ERAP1: variants seen among roughly 807,000 people sequenced by gnomAD.
ERAP1 encodes the protein adipocyte-derived leucine aminopeptidase.
In ERAP1, 86 loss-of-function variants were observed where a neutral mutation model predicts 103.7. The ratio of observed to expected loss-of-function variants is 0.83; its 90% CI spans 0.70 to 0.99. ERAP1 has a LOEUF of 0.99. Ranked by LOEUF, ERAP1 falls within the 50% of genes least tolerant of loss-of-function variation. The pLI is 0.00. For missense variants in ERAP1, 1,009 were observed against 1,128.4 expected, an observed-to-expected ratio of 0.89 and a Z score of 1.52; for synonymous variants, 398 against 402.4, an observed-to-expected ratio of 0.99 and a Z score of 0.13.
Position 96,793,764 on chromosome 5 carries a change from G to A in ERAP1, c.1074+39C>T, listed in dbSNP as rs377031953. 10 of 1,545,302 alleles carry A rather than the reference G, an allele frequency of 6.5e-6. 1 individual carries two copies. The East Asian group carries it at 9.1e-5, about 14-fold the overall frequency. On this transcript the variant is annotated intron_variant, in intron 6 of 18. Transcript: ENST00000443439. The stretch of plus-strand genomic sequence containing the variant: ...TATGTCCCATAGAAGCAATATAAAT[G>A]TAGTTTATACTTTATTAAAAGTGTG...
At chr5:96,770,236 A>G (rs1173985564), downstream of ERAP1, 2 of 349,454 alleles carry the variant, frequency 5.7e-6, no homozygotes, top group Non-Finnish European at 1.1e-5. Context: ...TTTATTATCT[A>G]TTGACAAGCT....
chr5:96,836,915 T>C, the ERAP1 span, among the ~76,000 whole-genome samples: 3,439 of 152,270 alleles, frequency 0.023, 132 homozygotes, highest in African/African-American at 0.079. Context: ...AATCAGAAGA[T>C]TTTTTAAATA....
At chr5:96,783,850 CACACATACACACACAAT>C (rs1234948574) in intron 14 of ERAP1, 57 bp downstream of exon 14, 1 of 386,348 alleles carries the variant, frequency 2.6e-6, no homozygotes, top group South Asian at 6.0e-5. Context: ...CACACACACA[CACACATACACACACAAT>C]GATTAACACT....
At chr5:96,900,144 A>G in the ERAP1 span, 2 of 1,613,896 alleles carry the variant, frequency 1.2e-6, no homozygotes, top group Non-Finnish European at 1.7e-6. Context: ...GTGATTTTAC[A>G]TCTGGTGGAG....
chr5:96,779,919 C>CACCT, intron 18 of ERAP1, among the ~76,000 whole-genome samples: 1 of 152,318 alleles, frequency 6.6e-6, no homozygotes, highest in East Asian at 1.9e-4. Context: ...ACATGGTTAT[C>CACCT]ACCTGTCCAT....
chr5:96,911,731 G>A, the ERAP1 span, among the ~76,000 whole-genome samples: 1 of 151,594 alleles, frequency 6.6e-6, no homozygotes, highest in African/African-American at 2.4e-5. Flanking sequence ...AAATTAGCCG[G>A]GCATGGTGCT....
the ERAP1 span, among the ~76,000 whole-genome samples, chr5:96,868,702 C>T: frequency 1.3e-5 from 2 of 150,254 alleles, no homozygotes; most frequent in African/African-American, 4.8e-5. Context: ...GACGTCACCC[C>T]GAGTTTCCAA....
At chr5:96,933,777 G>A in the ERAP1 span, among the ~76,000 whole-genome samples, 2 of 152,190 alleles carry the variant, frequency 1.3e-5, no homozygotes, top group African/African-American at 4.8e-5. Context: ...ATATAGAGAA[G>A]AGCGTCTTAT....
chr5:96,919,129 T>C, the ERAP1 span: 1 of 152,304 alleles, frequency 6.6e-6, no homozygotes, highest in East Asian at 1.9e-4. Context: ...GGATGTTGGG[T>C]CAAGAGGGGA....
chr5:96,875,133 G>T, the ERAP1 span, among the ~76,000 whole-genome samples: 1 of 152,182 alleles, frequency 6.6e-6, no homozygotes, highest in Non-Finnish European at 1.5e-5. Context: ...AGCTGAGCTT[G>T]AGAAGCTGGG....
chr5:96,907,069 G>A, the ERAP1 span, among the ~76,000 whole-genome samples: 4 of 152,168 alleles, frequency 2.6e-5, no homozygotes, highest in Middle Eastern at 3.4e-3. Flanking sequence ...AACCCAAATT[G>A]GTGCTTCAAG....
intron 8 of ERAP1, among the ~76,000 whole-genome samples, 167 bp downstream of exon 8, chr5:96,791,894 G>A (rs199641208): frequency 2.0e-5 from 3 of 152,338 alleles, no homozygotes; most frequent in South Asian, 2.1e-4. Context: ...TTAGGGTTAT[G>A]AGCCAAACTG....
chr5:96,815,133 A>G, the ERAP1 span, among the ~76,000 whole-genome samples: 2,740 of 152,330 alleles, frequency 0.018, 57 homozygotes, highest in Admixed American at 0.06. Flanking sequence ...AAAGATGTCA[A>G]AATTAAACTT....
chr5:96,811,244 G>A (rs1202278808), upstream of ERAP1, among the ~76,000 whole-genome samples: 1 of 152,170 alleles, frequency 6.6e-6, no homozygotes, highest in African/African-American at 2.4e-5. Context: ...AAACAGGGAA[G>A]ACGGTACAGA....
the ERAP1 span, among the ~76,000 whole-genome samples, chr5:96,922,343 A>G: frequency 6.6e-6 from 1 of 152,200 alleles, no homozygotes; most frequent in Admixed American, 6.5e-5. Flanking sequence ...TAGTCAATTA[A>G]GTTGCAAATT....
the ERAP1 span, among the ~76,000 whole-genome samples, chr5:96,893,061 A>C: frequency 1.3e-5 from 2 of 152,184 alleles, no homozygotes; most frequent in African/African-American, 4.8e-5. Flanking sequence ...AATAAGTATT[A>C]GTTATTAATG....
At chr5:96,893,263 C>T in the ERAP1 span, among the ~76,000 whole-genome samples, 4 of 152,126 alleles carry the variant, frequency 2.6e-5, no homozygotes, top group African/African-American at 4.8e-5. Flanking sequence ...ATTAAAGTCA[C>T]CAAAATTGTC....
At chr5:96,878,821 G>A in the ERAP1 span, among the ~76,000 whole-genome samples, 4 of 152,044 alleles carry the variant, frequency 2.6e-5, no homozygotes, top group Non-Finnish European at 5.9e-5. Context: ...CCAGCTACTC[G>A]GGAGGCTGAG....
At chr5:96,832,115 G>A in the ERAP1 span, among the ~76,000 whole-genome samples, 6 of 152,222 alleles carry the variant, frequency 3.9e-5, no homozygotes, top group South Asian at 1.0e-3. Flanking sequence ...GAGTAAACTC[G>A]CTGAAACAAG....
Sources: allele counts gnomAD v4.1 joint callset (sites outside exome capture counted in the v4.1 genomes callset), GRCh38; gene constraint gnomAD v4.1.1; transcripts MANE v1.5; gene names NCBI Gene and HGNC (gene_info 2026-07-23, HGNC 2026-07-21).